Variants in SMARCC1 observed in about 807,000 individuals in gnomAD.
SMARCC1 encodes the protein SWI/SNF related BAF chromatin remodeling complex subunit C1, also known as SWI/SNF complex subunit SMARCC1.
Under a neutral mutation model 147.4 loss-of-function variants are expected in SMARCC1, and 43 were observed. The ratio of observed to expected loss-of-function variants is 0.29; its 90% CI spans 0.23 to 0.38. The LOEUF is 0.38. SMARCC1 is among the 10% of genes least tolerant of loss of function. The pLI, the probability that SMARCC1 is intolerant of heterozygous loss-of-function variation, is 1.00. For synonymous variants in SMARCC1, 495 were observed against 484.4 expected, an observed-to-expected ratio of 1.02 and a Z score of -0.29; for missense variants, 1,119 against 1,381.1, an observed-to-expected ratio of 0.81 and a Z score of 3.01.
chr3:47,738,002 T>C (rs1269686708), intron 4 of SMARCC1, 27 bp downstream of exon 4: 1 of 1,529,498 alleles, frequency 6.5e-7, no homozygotes. Context: ...AGGTAAACTT[T>C]TTAAATAACC....
chr3:47,774,425 T>G (rs537271099), intron 1 of SMARCC1, among the ~76,000 whole-genome samples: 151 of 152,126 alleles, frequency 9.9e-4, no homozygotes, highest in African/African-American at 3.3e-3. Context: ...AAAACTTTTT[T>G]TGTGTGTGTG....
At chr3:47,733,772 G>C (rs2034405102) in intron 5 of SMARCC1, among the ~76,000 whole-genome samples, 1 of 149,446 alleles carries the variant, frequency 6.7e-6, no homozygotes, top group East Asian at 2.0e-4. Context: ...GCTGAGGCAA[G>C]AGAATGGTGT....
intron 21 of SMARCC1, among the ~76,000 whole-genome samples, chr3:47,653,613 A>G (rs2033221617): frequency 6.6e-6 from 1 of 152,250 alleles, no homozygotes; most frequent in Admixed American, 6.5e-5. Flanking sequence ...TTGTTGAGCC[A>G]ATTCCCAAGG....
At chr3:47,677,086 T>C (rs2033583919) in intron 16 of SMARCC1, among the ~76,000 whole-genome samples, 1 of 152,054 alleles carries the variant, frequency 6.6e-6, no homozygotes. Flanking sequence ...ATAGACCAAA[T>C]ACACACATTA....
chr3:47,661,581 C>G, intron 20 of SMARCC1, 126 bp from the exon 21 acceptor site: 1 of 648,544 alleles, frequency 1.5e-6, no homozygotes, highest in South Asian at 2.0e-5. Context: ...TTCAGGCTCT[C>G]AGTCCCTCTA....
chr3:47,765,245 C>T (rs2034822951), intron 2 of SMARCC1, among the ~76,000 whole-genome samples: 1 of 151,454 alleles, frequency 6.6e-6, no homozygotes, highest in South Asian at 2.1e-4. Flanking sequence ...GAGAGAAACT[C>T]TGTCTCAAAA....
At chr3:47,732,565 CCTTT>C (rs1386017295) in intron 5 of SMARCC1, among the ~76,000 whole-genome samples, 1 of 152,120 alleles carries the variant, frequency 6.6e-6, no homozygotes, top group African/African-American at 2.4e-5. Flanking sequence ...AGCAACTCTT[CCTTT>C]GACTTGACCA....
chr3:47,660,588 C>T (rs2033332728), intron 21 of SMARCC1, among the ~76,000 whole-genome samples: 1 of 151,752 alleles, frequency 6.6e-6, no homozygotes. Context: ...CATGGAAGAA[C>T]CTTGAAAACA....
At chr3:47,766,134 A>T (rs1035375831) in intron 2 of SMARCC1, among the ~76,000 whole-genome samples, 9 of 152,232 alleles carry the variant, frequency 5.9e-5, no homozygotes, top group South Asian at 4.1e-4. Context: ...AAGAAAACAA[A>T]ATCTTGGATA....
chr3:47,759,918 CA>C (rs1372279239), intron 2 of SMARCC1, among the ~76,000 whole-genome samples: 1 of 151,810 alleles, frequency 6.6e-6, no homozygotes, highest in South Asian at 2.1e-4. Flanking sequence ...GCCTGGGCAA[CA>C]AAAGCGAGAC....
At chr3:47,713,951 A>G (rs763872277) in intron 8 of SMARCC1, among the ~76,000 whole-genome samples, 2 of 152,246 alleles carry the variant, frequency 1.3e-5, no homozygotes, top group Non-Finnish European at 2.9e-5. Flanking sequence ...CCTAGATAAT[A>G]AAGTCTTCAT....
At chr3:47,726,080 A>AAAAAAAAAAAAAAAAG in intron 6 of SMARCC1, among the ~76,000 whole-genome samples, 1 of 149,556 alleles carries the variant, frequency 6.7e-6, no homozygotes, top group Non-Finnish European at 1.5e-5. Flanking sequence ...AAAAAAAAAA[A>AAAAAAAAAAAAAAAAG]AGGTGAATTT....
intron 14 of SMARCC1, 129 bp downstream of exon 14, chr3:47,685,920 T>A (rs2033716611): frequency 2.9e-6 from 2 of 686,874 alleles, no homozygotes; most frequent in South Asian, 4.1e-5. Flanking sequence ...AAAATCACTC[T>A]CCATCTCCCT....
chr3:47,664,583 C>T (rs1403033324), intron 19 of SMARCC1, among the ~76,000 whole-genome samples: 1 of 151,988 alleles, frequency 6.6e-6, no homozygotes, highest in Admixed American at 6.5e-5. Flanking sequence ...GAAAGAAAAC[C>T]ACAACTATGT....
chr3:47,736,104 T>C lies in SMARCC1; in HGVS notation c.506A>G (p.Asn169Ser). Residue 169 changes from asparagine to serine, a missense_variant, in exon 5 of 28, where the codon AAC becomes AGC. Coordinates refer to ENST00000254480, the MANE Select transcript of SMARCC1 (RefSeq NM_003074.4). ...ATCAATGTCTGGAATGAGGTAGATG[T>C]TGGGTCTGGTCAAACAATTGTTCTG... is the stretch of plus-strand genomic sequence containing the variant. ...LVQNNCLTRP[N>S]IYLIPDIDLK... 1 of 1,593,892 alleles carries C rather than the reference T, an allele frequency of 6.3e-7. No homozygotes were observed. Among genetic ancestry groups the C allele is most frequent in the Non-Finnish European group, 8.6e-7 (1 of 1,169,322 alleles).
At chr3:47,647,440 T>C (rs1043568941) in intron 21 of SMARCC1, among the ~76,000 whole-genome samples, 8 of 152,204 alleles carry the variant, frequency 5.3e-5, no homozygotes, top group African/African-American at 1.9e-4. Context: ...TAAGTTACGT[T>C]TGGTAGGTTA....
At chr3:47,704,871 C>T (rs973202018) in intron 10 of SMARCC1, among the ~76,000 whole-genome samples, 3 of 151,320 alleles carry the variant, frequency 2.0e-5, no homozygotes, top group South Asian at 2.1e-4. Context: ...GGGCCAAGAT[C>T]GCACCACTGT....
Position 47,747,415 on chromosome 3 carries a change from C to A in SMARCC1, c.316-1422G>T, listed in dbSNP as rs2034576226. Among the ~76,000 whole-genome samples the A allele has an allele frequency of 4.9e-5, 3 of 61,154 alleles. No homozygotes were observed. The South Asian group carries it at 2.3e-3, about 46-fold the overall frequency. 40.1% of individuals were successfully genotyped at this position (61,154 alleles called of 152,430 possible). A position where few individuals can be genotyped will look rare whatever the true frequency, so the allele number is the denominator to read the frequency against. On this transcript the variant is annotated intron_variant, in intron 2 of 27. Coordinates refer to ENST00000254480, the MANE Select transcript of SMARCC1 (RefSeq NM_003074.4). ...CCATGCCACTATACTCTAGCCTGGG[C>A]AATAAAACCAGAATTTGTCTCAAAA...
intron 27 of SMARCC1, among the ~76,000 whole-genome samples, chr3:47,590,391 T>C (rs556679947): frequency 6.6e-6 from 1 of 152,188 alleles, no homozygotes; most frequent in Non-Finnish European, 1.5e-5. Flanking sequence ...CTTAAACAGG[T>C]GTGGGAGAGG....
Sources: allele counts gnomAD v4.1 joint callset (sites outside exome capture counted in the v4.1 genomes callset), GRCh38; gene constraint gnomAD v4.1.1; transcripts MANE v1.5; gene names NCBI Gene and HGNC (gene_info 2026-07-23, HGNC 2026-07-21).